Variants in ENTREP2 observed in about 807,000 individuals in gnomAD.
ENTREP2 encodes the protein protein ENTREP2.
the ENTREP2 span, among the ~76,000 whole-genome samples, chr15:29,166,909 G>C: frequency 6.6e-6 from 1 of 152,168 alleles, no homozygotes; most frequent in Admixed American, 6.5e-5. Context: ...CGCACTACCT[G>C]ATTTCAAACT....
the ENTREP2 span, among the ~76,000 whole-genome samples, chr15:29,384,308 A>G: frequency 6.6e-6 from 1 of 152,036 alleles, no homozygotes; most frequent in Non-Finnish European, 1.5e-5. Flanking sequence ...AGCTCATGGT[A>G]TATAGTTCAG....
chr15:29,376,916 G>A, the ENTREP2 span: 2 of 152,316 alleles, frequency 1.3e-5, no homozygotes. Flanking sequence ...AGGCCTGCAG[G>A]GCGAATGGAG....
the ENTREP2 span, among the ~76,000 whole-genome samples, chr15:29,559,549 G>A: frequency 5.3e-5 from 8 of 151,978 alleles, no homozygotes; most frequent in African/African-American, 1.7e-4. Flanking sequence ...AAATTCAAGG[G>A]GTCACAAGCC....
the ENTREP2 span, among the ~76,000 whole-genome samples, chr15:29,231,890 C>CTTTTT: frequency 4.4e-5 from 6 of 136,832 alleles, no homozygotes; most frequent in African/African-American, 1.4e-4. Context: ...CTTTTCTTTT[C>CTTTTT]TTTCTTTTTT....
the ENTREP2 span, among the ~76,000 whole-genome samples, chr15:29,577,657 A>G: frequency 5.3e-5 from 8 of 152,166 alleles, no homozygotes; most frequent in South Asian, 4.1e-4. Context: ...TCATAGCATC[A>G]TTATTCCAAA....
the ENTREP2 span, among the ~76,000 whole-genome samples, chr15:29,172,630 T>A: frequency 6.6e-6 from 1 of 151,892 alleles, no homozygotes; most frequent in Admixed American, 6.6e-5. Flanking sequence ...GAACACAGGG[T>A]CCCTTGCCCT....
the ENTREP2 span, among the ~76,000 whole-genome samples, chr15:29,343,031 G>GGGGGC: frequency 1.3e-5 from 2 of 148,608 alleles, no homozygotes; most frequent in Non-Finnish European, 3.0e-5. Context: ...AAGGAATGGG[G>GGGGGC]GGGGTGGTTC....
At chr15:29,271,166 AC>A in the ENTREP2 span, among the ~76,000 whole-genome samples, 1 of 152,240 alleles carries the variant, frequency 6.6e-6, no homozygotes, top group African/African-American at 2.4e-5. Context: ...ACTGTTCCAC[AC>A]AAGATGCAAC....
chr15:29,666,262 G>A, the ENTREP2 span, among the ~76,000 whole-genome samples: 3 of 152,036 alleles, frequency 2.0e-5, no homozygotes, highest in Non-Finnish European at 2.9e-5. Context: ...CTCCTCCCCA[G>A]CCACCTTCAT....
chr15:29,404,430 G>A, the ENTREP2 span, among the ~76,000 whole-genome samples: 3 of 151,886 alleles, frequency 2.0e-5, no homozygotes, highest in East Asian at 5.8e-4. Context: ...GGCACAGGCA[G>A]AACTCCCCTG....
chr15:29,264,328 TTAATGA>T, the ENTREP2 span, among the ~76,000 whole-genome samples: 1 of 151,836 alleles, frequency 6.6e-6, no homozygotes, highest in Non-Finnish European at 1.5e-5. Flanking sequence ...AGATAATAAG[TTAATGA>T]TAATAAGAGA....
chr15:29,600,960 C>T, the ENTREP2 span, among the ~76,000 whole-genome samples: 15 of 137,242 alleles, frequency 1.1e-4, no homozygotes, highest in South Asian at 4.3e-4. Flanking sequence ...TGCAGTGGCG[C>T]GATCTCTGCT....
chr15:29,170,307 C>CA, the ENTREP2 span, among the ~76,000 whole-genome samples: 828 of 57,166 alleles, frequency 0.014, 22 homozygotes, highest in African/African-American at 0.034. Flanking sequence ...GACTCCATCT[C>CA]AAAAAAAAAA....
the ENTREP2 span, among the ~76,000 whole-genome samples, chr15:29,243,546 G>A: frequency 2.0e-5 from 3 of 152,048 alleles, no homozygotes; most frequent in Non-Finnish European, 4.4e-5. Context: ...AACAATATGT[G>A]AATTAAGAAA....
At chr15:29,419,510 T>C in the ENTREP2 span, among the ~76,000 whole-genome samples, 1 of 152,128 alleles carries the variant, frequency 6.6e-6, no homozygotes, top group African/African-American at 2.4e-5. Context: ...GCCTAGTGTA[T>C]GTGATTCAAG....
At chr15:29,558,378 CT>C in the ENTREP2 span, among the ~76,000 whole-genome samples, 779 of 152,044 alleles carry the variant, frequency 5.1e-3, 5 homozygotes, top group African/African-American at 0.018. Context: ...GCTACATGGA[CT>C]TCCAAACATG....
chr15:29,667,652 C>A, the ENTREP2 span, among the ~76,000 whole-genome samples: 1 of 151,884 alleles, frequency 6.6e-6, no homozygotes, highest in Non-Finnish European at 1.5e-5. Context: ...TGCCACCACG[C>A]CCAGCTAATT....
the ENTREP2 span, among the ~76,000 whole-genome samples, chr15:29,190,658 AG>A: frequency 1.3e-5 from 2 of 152,328 alleles, no homozygotes; most frequent in African/African-American, 4.8e-5. Context: ...AGTCAGTATC[AG>A]TTAATTCAAA....
the ENTREP2 span, among the ~76,000 whole-genome samples, chr15:29,412,541 T>C: frequency 6.6e-6 from 1 of 152,158 alleles, no homozygotes; most frequent in Non-Finnish European, 1.5e-5. Context: ...TAAGTTTGTA[T>C]ATGTATTTTT....
Sources: allele counts gnomAD v4.1 joint callset (sites outside exome capture counted in the v4.1 genomes callset), GRCh38; gene constraint gnomAD v4.1.1; transcripts MANE v1.5; gene names NCBI Gene and HGNC (gene_info 2026-07-23, HGNC 2026-07-21).